The following NLRP12 variants were observed in gnomAD, a reference collection of about 807,000 sequenced individuals.
NLRP12 encodes NLR family pyrin domain containing 12.
Under a neutral mutation model 91.2 loss-of-function variants are expected in NLRP12, and 108 were observed. The ratio of observed to expected loss-of-function variants is 1.18; its 90% CI spans 1.01 to 1.39. The LOEUF is 1.39. Among genes scored for constraint, NLRP12 ranks in the 40% most tolerant of loss-of-function variants. The pLI is 0.00. For synonymous variants in NLRP12, 613 were observed against 566.7 expected, an observed-to-expected ratio of 1.08 and a Z score of -1.16; for missense variants, 1,530 against 1,352.7, an observed-to-expected ratio of 1.13 and a Z score of -2.06.
chr19:53,798,555 C>T (rs940877078), intron 7 of NLRP12, 142 bp from the exon 8 acceptor site: 67 of 813,718 alleles, frequency 8.2e-5, no homozygotes, highest in South Asian at 1.6e-4. Context: ...AAGAAAAAGA[C>T]GACAGAAGTA....
intron 1 of NLRP12, among the ~76,000 whole-genome samples, chr19:53,819,866 A>G (rs2092241570): frequency 6.6e-6 from 1 of 151,096 alleles, no homozygotes; most frequent in Non-Finnish European, 1.5e-5. Flanking sequence ...AAAGAAAAGA[A>G]AGGAAGGAGG....
At position 53,803,948 on chromosome 19, in the gene NLRP12, T is replaced by C. The variant is rs1286825703; in HGVS notation, c.2585+4A>G. 1 of 1,613,790 alleles carries C rather than the reference T, an allele frequency of 6.2e-7. No homozygotes were observed. The highest frequency in any genetic ancestry group is 1.1e-5 in the South Asian group (1 of 91,076). On this transcript the variant is annotated splice_donor_region_variant and intron_variant, in intron 6 of 9. Transcript: ENST00000324134. ...TATTATAGTTGACCCCAGGAAGAAC[T>C]CACCACAAAGTCCGTAGTCTGCAGA...
At chr19:53,794,178 G>A (rs373968943) in intron 9 of NLRP12, 42 bp from the exon 10 acceptor site, 133 of 1,287,288 alleles carry the variant, frequency 1.0e-4, no homozygotes, top group Non-Finnish European at 1.5e-4. Flanking sequence ...GTACTACTGT[G>A]GCATTCAATT....
chr19:53,810,830 C>T lies in NLRP12; in HGVS notation c.829G>A (p.Ala277Thr), dbSNP rs773166510. The change falls in exon 3 of 10, where the codon GCG becomes ACG. Residue 277 changes from alanine to threonine, a missense_variant. Coordinates refer to ENST00000324134, the MANE Select transcript of NLRP12 (RefSeq NM_144687.4). ...LIFSCWPEPS[A>T]PLQELIRVPE... ...ACTCGGATGAGCTCCTGGAGAGGCG[C>T]GCTGGGCTCAGGCCAGCAGCTGAAG... 2.5e-6 allele frequency: 4 copies of T among 1,613,936 alleles called. No individual in the cohort carries two copies. Among genetic ancestry groups the T allele is most frequent in the Middle Eastern group, 1.6e-4 (1 of 6,084 alleles).
At position 53,810,759 on chromosome 19, in the gene NLRP12, CT is replaced by C. The variant is rs769080327; in HGVS notation, c.899del (p.Lys300SerfsTer28). On this transcript the variant is annotated frameshift_variant, in exon 3 of 10. Coordinates refer to ENST00000324134, the MANE Select transcript of NLRP12 (RefSeq NM_144687.4). LOFTEE classifies it high-confidence loss of function. ...GTCCCTGAGGATCGTGGAAAGAAGGCTTGAGCTCATCGAAGCCGTCGATGAT... is the reference window on the plus strand; with the variant it reads ...GTCCCTGAGGATCGTGGAAAGAAGGCTGAGCTCATCGAAGCCGTCGATGAT... ...LFIIDGFDEL[K>X]PSFHDPQGPW... 8 of 1,613,982 alleles carry C rather than the reference CT, an allele frequency of 5.0e-6. No homozygotes were observed. The highest frequency in any genetic ancestry group is 6.8e-6 in the Non-Finnish European group (8 of 1,179,954).
chr19:53,803,969 G>A lies in NLRP12; in HGVS notation c.2568C>T (p.Cys856=). 1.2e-6 allele frequency: 2 copies of A among 1,614,028 alleles called. No individual in the cohort carries two copies. The highest frequency in any genetic ancestry group is 1.7e-5 in the Admixed American group (1 of 59,978). The change falls in exon 6 of 10, where the codon TGC becomes TGT. Residue 856 remains cysteine, a synonymous_variant. Transcript: ENST00000324134. ...GAACTCACCACAAAGTCCGTAGTCT[G>A]CAGACTGGGTGCCTCAGTCCCTGGC... is the stretch of plus-strand genomic sequence containing the variant. ...LLCQGLRHPV[C]RLRTLWLKIC... is the part of the protein sequence containing the mutation.
intron 1 of NLRP12, among the ~76,000 whole-genome samples, chr19:53,818,271 G>C (rs1293417695): frequency 6.6e-6 from 1 of 151,888 alleles, no homozygotes; most frequent in East Asian, 1.9e-4. Context: ...AAGGGGTTTT[G>C]CCATGTTGCC....
At chr19:53,817,632 A>T (rs2122736251) in intron 1 of NLRP12, among the ~76,000 whole-genome samples, 1 of 151,978 alleles carries the variant, frequency 6.6e-6, no homozygotes, top group East Asian at 2.0e-4. Flanking sequence ...GCTACTTGGG[A>T]GGCTGAGGCA....
intron 4 of NLRP12, 55 bp from the exon 5 acceptor site, chr19:53,805,505 G>T: frequency 6.4e-7 from 1 of 1,556,140 alleles, no homozygotes; most frequent in Non-Finnish European, 8.7e-7. Flanking sequence ...CCAGTTTTGT[G>T]GATTATTTTC....
intron 1 of NLRP12, among the ~76,000 whole-genome samples, chr19:53,819,116 G>A (rs1030430702): frequency 6.6e-6 from 1 of 152,068 alleles, no homozygotes; most frequent in African/African-American, 2.4e-5. Flanking sequence ...AGGCGGAAGA[G>A]GGAGAAAAGT....
In NLRP12 at chr19:53,823,953, G is replaced by A. The variant is rs1411452438; in HGVS notation, c.222C>T (p.Leu74=). 2 of 1,614,114 alleles carry A rather than the reference G, an allele frequency of 1.2e-6. No individual in the cohort carries two copies. The highest frequency in any genetic ancestry group is 1.7e-6 in the Non-Finnish European group (2 of 1,180,036). ...TCCTGTTTATCCGCTCAAAGGTGCT[G>A]AGAGCCAACCTCCAGGCCTCCTCTG... ...FGPEEAWRLA[L]STFERINRKD... The change falls in exon 1 of 10, where the codon CTC becomes CTT. Residue 74 remains leucine, a synonymous_variant. Coordinates refer to ENST00000324134, the MANE Select transcript of NLRP12 (RefSeq NM_144687.4).
chr19:53,816,078 A>T (rs1387095238), intron 1 of NLRP12, among the ~76,000 whole-genome samples: 1 of 151,888 alleles, frequency 6.6e-6, no homozygotes, highest in Non-Finnish European at 1.5e-5. Context: ...AGCCCAAAAA[A>T]GGCCTTCGTT....
At chr19:53,797,600 T>C (rs2091789652) in intron 8 of NLRP12, among the ~76,000 whole-genome samples, 1 of 151,778 alleles carries the variant, frequency 6.6e-6, no homozygotes, top group Non-Finnish European at 1.5e-5. Flanking sequence ...TGTATTTTTG[T>C]AGAATGGTGT....
chr19:53,809,675 C>A lies in NLRP12; in HGVS notation c.1984G>T (p.Val662Leu). 6.2e-7 allele frequency: 1 copy of A among 1,614,066 alleles called. No homozygotes were observed. Among genetic ancestry groups the A allele is most frequent in the Non-Finnish European group, 8.5e-7 (1 of 1,180,008 alleles). The stretch of plus-strand genomic sequence containing the variant: ...TAGGTGGCGCCATACAAGTGCAGCA[C>A]CTGGGCGCTCCTGCAGCGCTTCAGA... ...FCLKRCRSAQ[V>L]LHLYGATYSA... is the part of the protein sequence containing the mutation. The change falls in exon 3 of 10, where the codon GTG becomes TTG. Residue 662 changes from valine to leucine, a missense_variant. Physicochemically the swap from Val to Leu is conservative, Grantham distance 32. Coordinates refer to ENST00000324134, the MANE Select transcript of NLRP12 (RefSeq NM_144687.4).
chr19:53,802,425 C>T (rs964079792), intron 6 of NLRP12, among the ~76,000 whole-genome samples: 3 of 149,228 alleles, frequency 2.0e-5, no homozygotes, highest in East Asian at 2.1e-4. Flanking sequence ...AAATAGAATG[C>T]GGCCGGGCAT....
chr19:53,802,709 A>AG (rs544882937), intron 6 of NLRP12, among the ~76,000 whole-genome samples: 352 of 151,812 alleles, frequency 2.3e-3, no homozygotes, highest in Non-Finnish European at 4.4e-3. Flanking sequence ...TCTGTCTCAA[A>AG]AAAAAAAAAG....
chr19:53,811,170 C>T lies in NLRP12; in HGVS notation c.489G>A (p.Val163=). The T allele has an allele frequency of 1.2e-6, 2 of 1,614,126 alleles. No individual in the cohort carries two copies. The highest frequency in any genetic ancestry group is 1.7e-6 in the Non-Finnish European group (2 of 1,180,036). Residue 163 remains valine (V), a synonymous_variant, in exon 3 of 10, where the codon GTG becomes GTA. Coordinates refer to ENST00000324134, the MANE Select transcript of NLRP12 (RefSeq NM_144687.4). The part of the protein sequence containing the change: ...LSHRYTRLLL[V]KEHSNPMQVQ... Reference sequence around the variant, plus strand: ...CCTGCATGGGGTTTGAGTGCTCCTTCACCAGCAGGAGCCGGGTGTACCGGT... The same window carrying T: ...CCTGCATGGGGTTTGAGTGCTCCTTTACCAGCAGGAGCCGGGTGTACCGGT...
At chr19:53,817,354 AG>A (rs1599859523) in intron 1 of NLRP12, among the ~76,000 whole-genome samples, 1 of 146,252 alleles carries the variant, frequency 6.8e-6, no homozygotes, top group Admixed American at 6.8e-5. Context: ...CGCTTGAACC[AG>A]GGAGTCAGAG....
At position 53,809,724 on chromosome 19, in the gene NLRP12, C is replaced by T. The variant is rs1277775692; in HGVS notation, c.1935G>A (p.Met645Ile). The T allele has an allele frequency of 6.2e-7, 1 of 1,614,124 alleles. No individual in the cohort carries two copies. Among genetic ancestry groups the T allele is most frequent in the East Asian group, 2.2e-5 (1 of 44,856 alleles). The change falls in exon 3 of 10, where the codon ATG (methionine) becomes ATA (isoleucine). Residue 645 changes from methionine to isoleucine, a missense_variant. Transcript: ENST00000324134. ...GACAGAACGAGGAGACCATGTGCTCCATCTTGGAGGCAATGTTGCTGACCA... is the reference window on the plus strand; with the variant it reads ...GACAGAACGAGGAGACCATGTGCTCTATCTTGGAGGCAATGTTGCTGACCA... ...VIVVSNIASK[M>I]EHMVSSFCLK...
Sources: allele counts gnomAD v4.1 joint callset (sites outside exome capture counted in the v4.1 genomes callset), GRCh38; gene constraint gnomAD v4.1.1; transcripts MANE v1.5; gene names NCBI Gene and HGNC (gene_info 2026-07-23, HGNC 2026-07-21).